The following PRRC2B variants were observed in gnomAD, a reference collection of about 807,000 sequenced individuals.
PRRC2B encodes protein PRRC2B.
PRRC2B carries 68 observed loss-of-function variants against 242.3 expected under a neutral mutation model. The ratio of observed to expected loss-of-function variants is 0.28; its 90% CI spans 0.23 to 0.34. The LOEUF is 0.34. PRRC2B is among the 10% of genes least tolerant of loss of function. PRRC2B has a pLI of 1.00. For synonymous variants in PRRC2B, 1,228 were observed against 1,173.6 expected (o/e 1.05, Z -0.95); for missense variants, 2,835 against 2,954.8 (o/e 0.96, Z 0.94).
In PRRC2B at chr9:131,456,774, C is replaced by T. The variant is rs574438866; in HGVS notation, c.1211+1608C>T. 2.6e-3 allele frequency among the ~76,000 whole-genome samples: 397 copies of T among 152,284 alleles called. 1 individual carries two copies. The highest frequency in any genetic ancestry group is 9.2e-3 in the African/African-American group (383 of 41,558). On this transcript the variant is annotated intron_variant, in intron 10 of 31. Transcript: ENST00000683519. ...TGAGCCATGATTGCACCACTGCACT[C>T]CAGCCTGAGTGACAGAGTAAGGCCC... is the stretch of plus-strand genomic sequence containing the variant.
chr9:131,384,978 T>G, intron 1 of PRRC2B, among the ~76,000 whole-genome samples: 1 of 151,950 alleles, frequency 6.6e-6, no homozygotes. Context: ...AATGAGCAAG[T>G]GTTGGGTTGT....
rs749947151 is a variant in PRRC2B, at chr9:131,479,383, C to A, written c.4890C>A (p.Ser1630Arg). The A allele has an allele frequency of 8.7e-6, 14 of 1,613,332 alleles. No homozygotes were observed. Among genetic ancestry groups the A allele is most frequent in the Non-Finnish European group, 1.0e-5 (12 of 1,179,694 alleles). Residue 1630 changes from serine (S) to arginine (R), a missense_variant, in exon 19 of 32, where the codon AGC (serine) becomes AGA (arginine). By Grantham distance (110) the Ser-to-Arg change is moderately radical. Coordinates refer to ENST00000683519, the MANE Select transcript of PRRC2B (RefSeq NM_013318.4). ...GSSLGTEIWESSSQALPVQAP... is the reference protein window; with the variant it reads ...GSSLGTEIWERSSQALPVQAP... ...GCCTGGGCACTGAGATCTGGGAGAG[C>A]AGCAGCCAGGGTGAGAGTTGGGGGT...
chr9:131,467,160 C>T (rs1406978357), intron 12 of PRRC2B, among the ~76,000 whole-genome samples: 2 of 151,988 alleles, frequency 1.3e-5, no homozygotes, highest in Non-Finnish European at 2.9e-5. Context: ...GTCTTGAACT[C>T]CTGACCTCAA....
chr9:131,491,285 G>A (rs753005907), intron 28 of PRRC2B, 140 bp from the exon 29 acceptor site: 55 of 857,528 alleles, frequency 6.4e-5, no homozygotes, highest in Non-Finnish European at 8.8e-5. Flanking sequence ...AGAAATTAGA[G>A]CATGTCCTGC....
chr9:131,437,898 G>A (rs1038736507), intron 4 of PRRC2B, among the ~76,000 whole-genome samples: 3 of 152,186 alleles, frequency 2.0e-5, no homozygotes, highest in African/African-American at 4.8e-5. Flanking sequence ...TGTTCAAGAT[G>A]TATGTGCTCA....
intron 5 of PRRC2B, among the ~76,000 whole-genome samples, chr9:131,439,878 TGTGTAC>T (rs1838502317): frequency 1.3e-5 from 2 of 148,548 alleles, no homozygotes; most frequent in Admixed American, 6.9e-5. Flanking sequence ...GGACTACAGG[TGTGTAC>T]CACGACATCT....
At chr9:131,436,877 G>A (rs1003473581) in intron 4 of PRRC2B, among the ~76,000 whole-genome samples, 155 bp downstream of exon 4, 10 of 152,048 alleles carry the variant, frequency 6.6e-5, no homozygotes, top group African/African-American at 1.4e-4. Flanking sequence ...TTAGAAAACC[G>A]TCATGGGAAA....
intron 2 of PRRC2B, among the ~76,000 whole-genome samples, chr9:131,431,439 A>G (rs527778843): frequency 1.3e-5 from 2 of 149,470 alleles, no homozygotes; most frequent in East Asian, 4.0e-4. Flanking sequence ...CTAATTTTGT[A>G]TTTTTAATAG....
chr9:131,430,387 A>G (rs911112435), intron 2 of PRRC2B, 128 bp downstream of exon 2: 1 of 574,476 alleles, frequency 1.7e-6, no homozygotes, highest in African/African-American at 1.9e-5. Context: ...GTGCATGTAG[A>G]ATCACTCTCT....
intron 1 of PRRC2B, among the ~76,000 whole-genome samples, chr9:131,383,771 A>G (rs1384867607): frequency 6.6e-6 from 1 of 151,260 alleles, no homozygotes; most frequent in Non-Finnish European, 1.5e-5. Flanking sequence ...ACAGATGCCC[A>G]CCACCATGCC....
chr9:131,404,829 A>C (rs1429680461), intron 1 of PRRC2B, among the ~76,000 whole-genome samples: 1 of 152,228 alleles, frequency 6.6e-6, no homozygotes, highest in Non-Finnish European at 1.5e-5. Context: ...CATTTGGGCT[A>C]TTTGTAGTTT....
intron 13 of PRRC2B, among the ~76,000 whole-genome samples, chr9:131,468,486 A>T (rs1943455204): frequency 6.6e-6 from 1 of 152,174 alleles, no homozygotes; most frequent in South Asian, 2.1e-4. Context: ...AAAGGGACCT[A>T]CTTTTTGTCC....
At chr9:131,483,282 C>A in intron 22 of PRRC2B, 77 bp from the exon 23 acceptor site, 1 of 1,356,168 alleles carries the variant, frequency 7.4e-7, no homozygotes, top group Non-Finnish European at 1.1e-6. Context: ...GAAACTGCAT[C>A]ACGTTAATGT....
At chr9:131,471,318 G>A (rs1416508782) in intron 14 of PRRC2B, among the ~76,000 whole-genome samples, 1 of 152,002 alleles carries the variant, frequency 6.6e-6, no homozygotes, top group Non-Finnish European at 1.5e-5. Context: ...GGTTTGTCTA[G>A]TGCCTTTTTA....
chr9:131,414,187 TA>T (rs1454259508), intron 1 of PRRC2B, among the ~76,000 whole-genome samples: 10 of 151,774 alleles, frequency 6.6e-5, no homozygotes, highest in African/African-American at 2.4e-4. Flanking sequence ...TCAGAAAAGG[TA>T]CTGGGAGAAC....
chr9:131,397,336 A>C (rs1246654944), intron 1 of PRRC2B, among the ~76,000 whole-genome samples: 1 of 152,174 alleles, frequency 6.6e-6, no homozygotes. Flanking sequence ...CACTGGGCCC[A>C]AATAGGTAAA....
upstream of PRRC2B, among the ~76,000 whole-genome samples, chr9:131,391,029 C>T (rs1386301076): frequency 1.3e-5 from 2 of 152,008 alleles, no homozygotes; most frequent in East Asian, 1.9e-4. Context: ...AAGTGATCTG[C>T]CCACCTCAGC....
rs747955001 is a variant in PRRC2B at position 131,475,400 on chromosome 9, G to T, written c.3271G>T (p.Gly1091Trp). 1.3e-6 allele frequency: 2 copies of T among 1,581,138 alleles called. No individual in the cohort carries two copies. The highest frequency in any genetic ancestry group is 1.8e-5 in the Admixed American group (1 of 55,114). The change falls in exon 16 of 32, where the codon GGG (glycine) becomes TGG (tryptophan). Residue 1091 changes from glycine (G) to tryptophan (W), a missense_variant. Physicochemically the swap from Gly to Trp is radical, Grantham distance 184. Around this residue, in one of 7 missense-constraint regions of PRRC2B, gnomAD observed 1,536 missense variants for 1,483.1 expected, o/e 1.04. Coordinates refer to ENST00000683519, the MANE Select transcript of PRRC2B (RefSeq NM_013318.4). Reference protein sequence around the residue: ...AGGNGSGLCGGGVLGARSIYC... With the variant: ...AGGNGSGLCGWGVLGARSIYC... ...CGGAAATGGGAGCGGCCTCTGTGGT[G>T]GGGGGGTCCTGGGGGCCCGCAGCAT...
At position 131,386,155 on chromosome 9, in the gene PRRC2B, C is replaced by T. The variant is rs540635872; in HGVS notation, c.-56+12424C>T. ...AGAGATAGGGTCTTGCTCTGTTGCC[C>T]AGGCTGGAGTGCAGTGGCGTGAACA... On this transcript the variant is annotated intron_variant, in intron 1 of 1. Coordinates refer to the PRRC2B transcript ENST00000682525. 3.9e-4 allele frequency among the ~76,000 whole-genome samples: 59 copies of T among 150,078 alleles called. 3 individuals carry two copies. The highest frequency in any genetic ancestry group is 1.3e-3 in the African/African-American group (53 of 41,258).
Sources: allele counts gnomAD v4.1 joint callset (sites outside exome capture counted in the v4.1 genomes callset), GRCh38; gene constraint gnomAD v4.1.1; regional missense constraint gnomAD v4.1.1; transcripts MANE v1.5; gene names NCBI Gene and HGNC (gene_info 2026-07-23, HGNC 2026-07-21).